Variants in ANK3 observed in about 807,000 individuals in gnomAD.
ANK3 encodes the protein ankyrin-3.
ANK3 carries 57 observed loss-of-function variants against 370.9 expected under a neutral mutation model. The observed-to-expected ratio is 0.15, with a 90% CI of 0.12 to 0.19. The LOEUF (loss-of-function observed/expected upper bound fraction) is 0.19. Among genes scored for constraint, ANK3 ranks in the 10% least tolerant of loss-of-function variants. The pLI, the probability that ANK3 is intolerant of heterozygous loss-of-function variation, is 1.00. For synonymous variants in ANK3, 1,929 were observed against 1,946.3 expected (o/e 0.99, Z 0.23); for missense variants, 4,439 against 5,302.1 (o/e 0.84, Z 5.06).
chr10:60,186,771 C>G lies in ANK3; in HGVS notation c.2029G>C (p.Val677Leu), dbSNP rs761026357. The stretch of plus-strand genomic sequence containing the variant: ...CCGAGGAGCAGCGACACCATGTCCA[C>G]GTGCCCTTCCTGAGCTGCGAGATGG... ...SVHLAAQEGH[V>L]DMVSLLLGRN... is the part of the protein sequence containing the mutation. The change falls in exon 17 of 44, where the codon GTG (valine) becomes CTG (leucine). Residue 677 changes from valine (V) to leucine (L), a missense_variant. This residue lies in a region of ANK3 where 192 missense variants were observed against 192.1 expected (regional missense o/e 1.00). Transcript: ENST00000280772. The G allele has an allele frequency of 1.9e-6, 3 of 1,614,150 alleles. No homozygotes were observed. In the South Asian group the frequency reaches 3.3e-5, roughly 18 times the overall value.
intron 25 of ANK3, among the ~76,000 whole-genome samples, chr10:60,120,446 A>G (rs902721982): frequency 6.6e-6 from 1 of 152,196 alleles, no homozygotes; most frequent in Non-Finnish European, 1.5e-5. Flanking sequence ...ACAGGCAACC[A>G]AGGCAAAAAT....
At chr10:60,240,153 T>TATATATACATATATAC (rs1565915568) in intron 7 of ANK3, among the ~76,000 whole-genome samples, 4 of 132,228 alleles carry the variant, frequency 3.0e-5, no homozygotes, top group Admixed American at 7.8e-5. Flanking sequence ...CACATATATA[T>TATATATACATATATAC]ACATATATAC....
At chr10:60,549,616 G>T (rs1026658945) in intron 2 of ANK3, among the ~76,000 whole-genome samples, 1 of 152,060 alleles carries the variant, frequency 6.6e-6, no homozygotes, top group African/African-American at 2.4e-5. Context: ...AATCTGCCCA[G>T]AATTCTAGGC....
chr10:60,118,584 C>T (rs1328315596), intron 25 of ANK3, among the ~76,000 whole-genome samples: 1 of 152,130 alleles, frequency 6.6e-6, no homozygotes, highest in Non-Finnish European at 1.5e-5. Flanking sequence ...CTTATACTGA[C>T]TTTTGGAGAC....
chr10:60,402,049 TTATCTATGC>T (rs1239869505), intron 2 of ANK3, among the ~76,000 whole-genome samples: 2 of 152,220 alleles, frequency 1.3e-5, no homozygotes, highest in East Asian at 1.9e-4. Flanking sequence ...GAGAAATATA[TTATCTATGC>T]TATGTTTCAT....
At chr10:60,576,334 C>T (rs2077682450) in intron 2 of ANK3, among the ~76,000 whole-genome samples, 1 of 152,154 alleles carries the variant, frequency 6.6e-6, no homozygotes, top group Admixed American at 6.5e-5. Context: ...AAGAGGACAC[C>T]AACCAGGGCC....
chr10:60,283,735 G>A (rs892396359), intron 1 of ANK3, among the ~76,000 whole-genome samples: 5 of 152,144 alleles, frequency 3.3e-5, no homozygotes, highest in Admixed American at 2.6e-4. Context: ...ACCGGCAGTG[G>A]AATATTGATA....
intron 2 of ANK3, among the ~76,000 whole-genome samples, chr10:60,556,383 G>A (rs374554014): frequency 6.6e-6 from 1 of 152,042 alleles, no homozygotes; most frequent in African/African-American, 2.4e-5. Context: ...GATGTAACAG[G>A]AATTGCAAGT....
intron 2 of ANK3, among the ~76,000 whole-genome samples, chr10:60,547,316 C>T (rs543800577): frequency 6.4e-4 from 98 of 152,270 alleles, no homozygotes; most frequent in Non-Finnish European, 1.3e-3. Context: ...TGGTCTTGAA[C>T]TCCTGACCTC....
At chr10:60,242,682 A>G (rs1000338351) in intron 7 of ANK3, among the ~76,000 whole-genome samples, 35 of 152,178 alleles carry the variant, frequency 2.3e-4, no homozygotes, top group African/African-American at 8.4e-4. Flanking sequence ...CGGTGGATAC[A>G]ATACCTCCAC....
chr10:60,542,003 G>A (rs752262766), intron 2 of ANK3, among the ~76,000 whole-genome samples: 180 of 151,892 alleles, frequency 1.2e-3, no homozygotes, highest in African/African-American at 2.9e-3. Context: ...ATAGATTAGC[G>A]TGCTCTTAAT....
intron 28 of ANK3, among the ~76,000 whole-genome samples, chr10:60,101,864 G>A (rs780993518): frequency 1.3e-5 from 2 of 151,890 alleles, no homozygotes; most frequent in African/African-American, 2.4e-5. Flanking sequence ...CATTAGTAAT[G>A]GACAACTTAA....
chr10:60,335,475 G>C, intron 1 of ANK3, among the ~76,000 whole-genome samples: 1 of 152,072 alleles, frequency 6.6e-6, no homozygotes, highest in Non-Finnish European at 1.5e-5. Context: ...GTCAGGCCTG[G>C]ACCATTCCTG....
intron 42 of ANK3, 87 bp from the exon 43 acceptor site, chr10:60,042,846 A>G: frequency 6.3e-7 from 1 of 1,579,850 alleles, no homozygotes; most frequent in Non-Finnish European, 8.6e-7. Context: ...AGGCTGGATT[A>G]GGACAAGCGA....
At chr10:60,240,107 T>TACATATATACACAC (rs1555185111) in intron 7 of ANK3, among the ~76,000 whole-genome samples, 1 of 114,626 alleles carries the variant, frequency 8.7e-6, no homozygotes, top group Admixed American at 1.0e-4. Flanking sequence ...CACACATAAA[T>TACATATATACACAC]ACATATATAT....
At chr10:60,711,443 A>C (rs1192931263) in intron 1 of ANK3, among the ~76,000 whole-genome samples, 4 of 152,004 alleles carry the variant, frequency 2.6e-5, no homozygotes, top group Non-Finnish European at 5.9e-5. Context: ...AATGCCTTTA[A>C]TAGGCTCAGC....
intron 2 of ANK3, among the ~76,000 whole-genome samples, chr10:60,472,946 G>A (rs1312973457): frequency 6.6e-6 from 1 of 152,122 alleles, no homozygotes. Context: ...TGAAACACCT[G>A]ATAACAAGGG....
At chr10:60,533,896 G>T (rs1183833794) in intron 2 of ANK3, among the ~76,000 whole-genome samples, 1 of 151,908 alleles carries the variant, frequency 6.6e-6, no homozygotes, top group Non-Finnish European at 1.5e-5. Context: ...TGGTAACACT[G>T]GATATATTAA....
intron 2 of ANK3, among the ~76,000 whole-genome samples, chr10:60,558,779 CTAGAGA>C (rs547239434): frequency 1.1e-3 from 161 of 152,074 alleles, no homozygotes; most frequent in Non-Finnish European, 1.6e-3. Flanking sequence ...CAAAATTTCC[CTAGAGA>C]TAGAGTAAAT....
Sources: allele counts gnomAD v4.1 joint callset (sites outside exome capture counted in the v4.1 genomes callset), GRCh38; gene constraint gnomAD v4.1.1; regional missense constraint gnomAD v4.1.1; transcripts MANE v1.5; gene names NCBI Gene and HGNC (gene_info 2026-07-23, HGNC 2026-07-21).